TIGIT: variants seen among roughly 807,000 people sequenced by gnomAD.
TIGIT encodes the protein T-cell immunoreceptor with Ig and ITIM domains.
TIGIT carries 11 observed loss-of-function variants against 19.6 expected under a neutral mutation model. That is an observed-to-expected ratio of 0.56 (90% CI 0.35 to 0.93). The LOEUF is 0.93. TIGIT is among the 40% of genes least tolerant of loss of function. The pLI is 0.01. For missense variants in TIGIT, 295 were observed against 303.9 expected (o/e 0.97, Z 0.22); for synonymous variants, 130 against 125.5 (o/e 1.04, Z -0.24).
Position 114,308,786 on chromosome 3 carries a change from C to T in TIGIT, c.*655C>T, listed in dbSNP as rs2078552226. ...ATAGGCTTATCTGTGATGAAGTGGC[C>T]TGGGAGCACCAAGGGGATGTTGAGG... On this transcript the variant is annotated 3_prime_UTR_variant, in exon 4 of 4. Transcript: ENST00000383671. 1 of 152,296 alleles carries T rather than the reference C, an allele frequency of 6.6e-6. No homozygotes were observed. The highest frequency in any genetic ancestry group is 6.6e-5 in the Admixed American group (1 of 15,266). 9.4% of individuals were successfully genotyped at this position (152,296 alleles called of 1,614,324 possible).
chr3:114,298,875 G>A (rs958977664), intron 2 of TIGIT, among the ~76,000 whole-genome samples: 15 of 152,156 alleles, frequency 9.9e-5, no homozygotes, highest in African/African-American at 3.6e-4. Flanking sequence ...CAGCATGCAT[G>A]GGGGTGATGG....
At chr3:114,299,519 G>T in intron 2 of TIGIT, 78 bp from the exon 3 acceptor site, 2 of 1,130,092 alleles carry the variant, frequency 1.8e-6, no homozygotes, top group Non-Finnish European at 2.7e-6. Context: ...CCTCTCTGCC[G>T]TGAAGCTCAG....
chr3:114,295,206 A>G (rs2078445547), intron 1 of TIGIT, among the ~76,000 whole-genome samples: 1 of 152,048 alleles, frequency 6.6e-6, no homozygotes, highest in African/African-American at 2.4e-5. Flanking sequence ...CGAGGTGTAA[A>G]GAGGGGCAGA....
intron 1 of TIGIT, among the ~76,000 whole-genome samples, chr3:114,294,365 G>A (rs1038365376): frequency 6.6e-6 from 1 of 152,176 alleles, no homozygotes; most frequent in Non-Finnish European, 1.5e-5. Flanking sequence ...GGAGGAGCCT[G>A]ACTGGCCAGC....
At position 114,297,899 on chromosome 3, in the gene TIGIT, C is replaced by T. The variant is rs574524307; in HGVS notation, c.392-1698C>T. On this transcript the variant is annotated intron_variant, in intron 2 of 3. Coordinates refer to ENST00000383671, the MANE Select transcript of TIGIT (RefSeq NM_173799.4). Reference sequence around the variant, plus strand: ...GCAGACTCCAGGGAACACCATTGGTCACTCGGCTCTTCCCTCTTGTTTCCC... The same window carrying T: ...GCAGACTCCAGGGAACACCATTGGTTACTCGGCTCTTCCCTCTTGTTTCCC... Among the ~76,000 whole-genome samples, 3 of 152,338 alleles carry T rather than the reference C, an allele frequency of 2.0e-5. No homozygotes were observed. The East Asian group carries it at 5.8e-4, about 29-fold the overall frequency.
chr3:114,295,842 G>A lies in TIGIT; in HGVS notation c.359G>A (p.Gly120Glu), dbSNP rs2078450424. The change falls in exon 2 of 4, where the codon GGG becomes GAG. Residue 120 changes from glycine (G) to glutamate (E), a missense_variant. Gly to Glu is a moderately conservative substitution (Grantham distance 98). Transcript: ENST00000383671. Reference protein sequence around the residue: ...YHTYPDGTYTGRIFLEVLESS... With the variant: ...YHTYPDGTYTERIFLEVLESS... The stretch of plus-strand genomic sequence containing the variant: ...ACCTACCCTGATGGGACGTACACTG[G>A]GAGAATCTTCCTGGAGGTCCTAGAA... 6.2e-7 allele frequency: 1 copy of A among 1,607,100 alleles called. No homozygotes were observed. Among genetic ancestry groups the A allele is most frequent in the Non-Finnish European group, 8.5e-7 (1 of 1,174,578 alleles).
intron 1 of TIGIT, chr3:114,295,145 G>A (rs1476486773): frequency 4.5e-6 from 1 of 221,536 alleles, no homozygotes; most frequent in Non-Finnish European, 9.1e-6. Flanking sequence ...ATGGGCTGAG[G>A]TCTTCTAGGA....
intron 3 of TIGIT, among the ~76,000 whole-genome samples, chr3:114,303,562 T>TATATATGTGTATATATATAC (rs1281328907): frequency 1.8e-3 from 11 of 5,948 alleles, no homozygotes; most frequent in African/African-American, 3.1e-3. Context: ...TATATATATA[T>TATATATGTGTATATATATAC]ACATATATAT....
In TIGIT at chr3:114,308,119, A is replaced by G. The variant is rs777311012; in HGVS notation, c.723A>G (p.Thr241=). 1 of 1,614,116 alleles carries G rather than the reference A, an allele frequency of 6.2e-7. No individual in the cohort carries two copies. Among genetic ancestry groups the G allele is most frequent in the Admixed American group, 1.7e-5 (1 of 60,026 alleles). The change falls in exon 4 of 4, where the codon ACA becomes ACG. Residue 241 remains threonine (T), a synonymous_variant. Transcript: ENST00000383671. ...GCCTGGGTAACTGCAGCTTCTTCAC[A>G]GAGACTGGTTAGCAACCAGAGGCAT... is the stretch of plus-strand genomic sequence containing the variant. ...YRSLGNCSFF[T]ETG
intron 2 of TIGIT, among the ~76,000 whole-genome samples, chr3:114,297,386 C>G (rs72948659): frequency 0.047 from 7,120 of 152,202 alleles, 259 homozygotes; most frequent in African/African-American, 0.086. Context: ...AGCTTAACTT[C>G]ATAAGGGCTA....
At chr3:114,294,223 C>A in intron 1 of TIGIT, 101 bp downstream of exon 1, 1 of 881,630 alleles carries the variant, frequency 1.1e-6, no homozygotes, top group Non-Finnish European at 1.7e-6. Context: ...GAGCATGCCA[C>A]AGCTGCTTGA....
chr3:114,302,971 A>G (rs975044823), intron 3 of TIGIT, among the ~76,000 whole-genome samples: 6 of 152,146 alleles, frequency 3.9e-5, no homozygotes, highest in South Asian at 2.1e-4. Flanking sequence ...CAACAATTCA[A>G]CTCTGCCATT....
rs372058015 is a variant in TIGIT at position 114,294,276 on chromosome 3, T to C, written c.61+154T>C. ...TTTTAGAGTCCTGTGTACTCTTATTTAAGAAAGGACAATCTCTGAGAATGA... is the reference window on the plus strand; with the variant it reads ...TTTTAGAGTCCTGTGTACTCTTATTCAAGAAAGGACAATCTCTGAGAATGA... On this transcript the variant is annotated intron_variant, in intron 1 of 3. Transcript: ENST00000383671. Among the ~76,000 whole-genome samples, 5 of 152,334 alleles carry C rather than the reference T, an allele frequency of 3.3e-5. No homozygotes were observed. In the South Asian group the frequency reaches 6.2e-4, roughly 19 times the overall value.
chr3:114,299,422 A>G (rs539439072), intron 2 of TIGIT, among the ~76,000 whole-genome samples, 175 bp from the exon 3 acceptor site: 1 of 152,270 alleles, frequency 6.6e-6, no homozygotes, highest in South Asian at 2.1e-4. Context: ...TGATTTCATG[A>G]TGGGCCAGAT....
rs1311829924 is a variant in TIGIT at position 114,295,891 on chromosome 3, A to G, written c.391+17A>G. The G allele has an allele frequency of 3.2e-6, 5 of 1,575,298 alleles. No homozygotes were observed. In the Admixed American group the frequency reaches 5.2e-5, roughly 16 times the overall value. The stretch of plus-strand genomic sequence containing the variant: ...AAAGCTCAGGTATTCCTGCTGGAGC[A>G]AGTTGGTGGATAAACCTCTCCCTCT... On this transcript the variant is annotated intron_variant, in intron 2 of 3. Coordinates refer to ENST00000383671, the MANE Select transcript of TIGIT (RefSeq NM_173799.4).
intron 3 of TIGIT, among the ~76,000 whole-genome samples, chr3:114,303,950 C>T (rs1041297628): frequency 2.0e-5 from 3 of 152,120 alleles, no homozygotes; most frequent in African/African-American, 7.2e-5. Context: ...TTGATTAAGG[C>T]CATTCTTACA....
intron 3 of TIGIT, among the ~76,000 whole-genome samples, chr3:114,304,419 C>T (rs766218211): frequency 9.9e-5 from 15 of 152,146 alleles, no homozygotes; most frequent in Non-Finnish European, 1.9e-4. Flanking sequence ...CATAGTTTGC[C>T]AAAGCAGTGT....
At chr3:114,296,112 A>C (rs987635391) in intron 2 of TIGIT, 1 of 469,054 alleles carries the variant, frequency 2.1e-6, no homozygotes, top group African/African-American at 1.9e-5. Context: ...ATGGGCAGCC[A>C]ATACTGAGAA....
chr3:114,301,775 C>T (rs1047628630), intron 3 of TIGIT, among the ~76,000 whole-genome samples: 4 of 152,210 alleles, frequency 2.6e-5, no homozygotes, highest in African/African-American at 4.8e-5. Flanking sequence ...ATTTCCACTG[C>T]TTCCTGTGTA....
Sources: allele counts gnomAD v4.1 joint callset (sites outside exome capture counted in the v4.1 genomes callset), GRCh38; gene constraint gnomAD v4.1.1; transcripts MANE v1.5; gene names NCBI Gene and HGNC (gene_info 2026-07-23, HGNC 2026-07-21).